EXT1: variants seen among roughly 807,000 people sequenced by gnomAD.
The protein encoded by EXT1 is exostosin-1.
Under a neutral mutation model 82.5 loss-of-function variants are expected in EXT1, and 20 were observed. The observed-to-expected ratio is 0.24, with a 90% CI of 0.17 to 0.35. The LOEUF (loss-of-function observed/expected upper bound fraction) is 0.35. Ranked by LOEUF, EXT1 falls within the 10% of genes least tolerant of loss-of-function variation. EXT1 has a pLI of 1.00. For missense variants in EXT1, 757 were observed against 936.5 expected, an observed-to-expected ratio of 0.81 and a Z score of 2.50; for synonymous variants, 348 against 350.8, an observed-to-expected ratio of 0.99 and a Z score of 0.09.
At chr8:117,920,423 G>A (rs1237263567) in intron 1 of EXT1, among the ~76,000 whole-genome samples, 4 of 152,102 alleles carry the variant, frequency 2.6e-5, no homozygotes, top group Admixed American at 2.6e-4. Flanking sequence ...TTTTTTAACA[G>A]TATCTGTAGT....
chr8:118,006,422 T>TA (rs1815775880), intron 1 of EXT1, among the ~76,000 whole-genome samples: 1 of 152,188 alleles, frequency 6.6e-6, no homozygotes, highest in Non-Finnish European at 1.5e-5. Flanking sequence ...TGAGACCAAA[T>TA]ATGAGCTCTG....
intron 1 of EXT1, among the ~76,000 whole-genome samples, chr8:118,055,067 T>C (rs1816775216): frequency 6.6e-6 from 1 of 152,144 alleles, no homozygotes; most frequent in African/African-American, 2.4e-5. Flanking sequence ...GCATATGCAC[T>C]CATGCATCCA....
intron 3 of EXT1, chr8:117,831,647 T>C (rs945899353): frequency 1.1e-4 from 54 of 471,062 alleles, no homozygotes; most frequent in Non-Finnish European, 1.9e-4. Flanking sequence ...CCGACAGATA[T>C]GGGAGTCTGA....
At chr8:118,024,279 A>G (rs909227726) in intron 1 of EXT1, among the ~76,000 whole-genome samples, 7 of 152,206 alleles carry the variant, frequency 4.6e-5, no homozygotes, top group Admixed American at 4.6e-4. Flanking sequence ...CTGACTTCTT[A>G]GAAAATGGTT....
intron 1 of EXT1, among the ~76,000 whole-genome samples, chr8:117,970,469 A>AT (rs549507072): frequency 7.4e-4 from 112 of 151,696 alleles, no homozygotes; most frequent in African/African-American, 2.5e-3. Flanking sequence ...TGCCTGGCTA[A>AT]TTTTTTTTGG....
At chr8:118,042,115 T>C (rs922381383) in intron 1 of EXT1, among the ~76,000 whole-genome samples, 3 of 152,018 alleles carry the variant, frequency 2.0e-5, no homozygotes, top group African/African-American at 7.2e-5. Flanking sequence ...GTTAAAGAAA[T>C]TACTTTTTCC....
chr8:117,856,808 A>G lies in EXT1; in HGVS notation c.963-19607T>C, dbSNP rs375050720. ...AAATGAAATAGCCTTAGATTGGAAG[A>G]AGATGCCTTCTATGACTTTCATAGC... is the stretch of plus-strand genomic sequence containing the variant. On this transcript the variant is annotated intron_variant, in intron 1 of 10. Transcript: ENST00000378204. Among the ~76,000 whole-genome samples, 28 of 152,282 alleles carry G rather than the reference A, an allele frequency of 1.8e-4. No homozygotes were observed. In the South Asian group the frequency reaches 3.1e-3, roughly 17 times the overall value.
intron 1 of EXT1, among the ~76,000 whole-genome samples, chr8:117,926,497 G>A (rs17475687): frequency 0.021 from 3,181 of 152,232 alleles, 44 homozygotes; most frequent in Middle Eastern, 0.048. Context: ...ACTAATGCAG[G>A]GAGTCATGGC....
chr8:117,841,303 C>A (rs771759877), intron 1 of EXT1, among the ~76,000 whole-genome samples: 1 of 152,126 alleles, frequency 6.6e-6, no homozygotes, highest in Admixed American at 6.6e-5. Context: ...AAAAGTCACC[C>A]TCGAAAGTGT....
In EXT1 at chr8:117,796,823, T is replaced by C. The variant is rs1823096013; in HGVS notation, c.*2889A>G. 1 of 152,240 alleles carries C rather than the reference T, an allele frequency of 6.6e-6. No homozygotes were observed. The highest frequency in any genetic ancestry group is 6.5e-5 in the Admixed American group (1 of 15,288). 9.4% of individuals were successfully genotyped at this position (152,240 alleles called of 1,614,324 possible). A position where few individuals can be genotyped will look rare whatever the true frequency, so the allele number is the denominator to read the frequency against. ...CTTCAACAAAGGTGATATGTATTAA[T>C]GTATTTGTAAGCTTTGATATTTATA... On this transcript the variant is annotated 3_prime_UTR_variant, in exon 11 of 11. Transcript: ENST00000378204.
intron 1 of EXT1, among the ~76,000 whole-genome samples, chr8:117,861,486 A>ATC (rs1812683922): frequency 1.0e-5 from 1 of 98,858 alleles, no homozygotes. Context: ...TGAAGTTTTT[A>ATC]TCTTTTTTTT....
At chr8:118,020,842 CCTT>C (rs2129856669) in intron 1 of EXT1, among the ~76,000 whole-genome samples, 1 of 152,300 alleles carries the variant, frequency 6.6e-6, no homozygotes, top group African/African-American at 2.4e-5. Context: ...TACCCACCCT[CCTT>C]CTAACTTTAA....
chr8:118,028,290 G>C (rs1055333409), intron 1 of EXT1, among the ~76,000 whole-genome samples: 1 of 152,198 alleles, frequency 6.6e-6, no homozygotes, highest in Admixed American at 6.5e-5. Context: ...CTGGCCTCTA[G>C]GAAAAATAAA....
chr8:117,980,051 T>G (rs1815154368), intron 1 of EXT1, among the ~76,000 whole-genome samples: 1 of 152,154 alleles, frequency 6.6e-6, no homozygotes, highest in Admixed American at 6.5e-5. Flanking sequence ...GTTTCCTGTC[T>G]AAGATAGCTA....
intron 1 of EXT1, among the ~76,000 whole-genome samples, chr8:117,862,631 G>A (rs17430427): frequency 0.027 from 3,913 of 145,440 alleles, 614 homozygotes; most frequent in Non-Finnish European, 0.04. Context: ...CTACAAAGGG[G>A]AATTAGACAG....
chr8:118,105,986 C>T (rs1817797789), intron 1 of EXT1, among the ~76,000 whole-genome samples: 1 of 152,084 alleles, frequency 6.6e-6, no homozygotes, highest in Admixed American at 6.5e-5. Flanking sequence ...CCCTTAGGGC[C>T]AAATTGAAAG....
chr8:117,799,844 G>A lies in EXT1; in HGVS notation c.2109C>T (p.Ser703=). 6.2e-7 allele frequency: 1 copy of A among 1,614,178 alleles called. No individual in the cohort carries two copies. Among genetic ancestry groups the A allele is most frequent in the Non-Finnish European group, 8.5e-7 (1 of 1,180,044 alleles). Residue 703 remains serine (S), a synonymous_variant, in exon 11 of 11, where the codon AGC becomes AGT. Transcript: ENST00000378204. ...ADPDHFAQRQ[S]CMNTFASWFG... ...ACCAGCTGGCAAACGTATTCATGCA[G>A]CTCTGTCGCTGGGCAAAGTGGTCAG... is the stretch of plus-strand genomic sequence containing the variant.
chr8:117,934,003 C>A (rs1166504948), intron 1 of EXT1, among the ~76,000 whole-genome samples: 1 of 152,122 alleles, frequency 6.6e-6, no homozygotes, highest in Non-Finnish European at 1.5e-5. Flanking sequence ...ACCAGCAAAA[C>A]CTCTATCTCC....
At chr8:118,015,556 C>T (rs1815986175) in intron 1 of EXT1, among the ~76,000 whole-genome samples, 1 of 152,060 alleles carries the variant, frequency 6.6e-6, no homozygotes, top group African/African-American at 2.4e-5. Context: ...ATGAGAGATG[C>T]TAGAAAGCAT....
Sources: gnomAD v4.1 joint callset for allele counts (sites outside exome capture counted in the v4.1 genomes callset) on GRCh38, gnomAD v4.1.1 for gene constraint, MANE v1.5 for transcripts, NCBI Gene and HGNC (gene_info 2026-07-23, HGNC 2026-07-21) for gene names.